Variants in SRGAP3 observed in about 807,000 individuals in gnomAD.
SRGAP3 encodes the protein SLIT-ROBO Rho GTPase-activating protein 3.
Under a neutral mutation model 121.1 loss-of-function variants are expected in SRGAP3, and 39 were observed. That is an observed-to-expected ratio of 0.32 (90% CI 0.25 to 0.42). SRGAP3 has a LOEUF of 0.42. Among genes scored for constraint, SRGAP3 ranks in the 10% least tolerant of loss-of-function variants. The pLI is 1.00. For missense variants in SRGAP3, 1,213 were observed against 1,470.6 expected, an observed-to-expected ratio of 0.82 and a Z score of 2.86; for synonymous variants, 601 against 570.0, an observed-to-expected ratio of 1.05 and a Z score of -0.77.
intron 3 of SRGAP3, among the ~76,000 whole-genome samples, chr3:9,316,189 C>T (rs1212736238): frequency 6.6e-6 from 1 of 152,020 alleles, no homozygotes; most frequent in Non-Finnish European, 1.5e-5. Flanking sequence ...GCTGGGATAA[C>T]AGGCACACAC....
chr3:9,051,371 T>C (rs1388068767), intron 9 of SRGAP3, among the ~76,000 whole-genome samples: 1 of 152,212 alleles, frequency 6.6e-6, no homozygotes, highest in Non-Finnish European at 1.5e-5. Context: ...CATTAGTCTT[T>C]AAATTGATTA....
intron 3 of SRGAP3, among the ~76,000 whole-genome samples, chr3:9,301,119 C>G (rs985998851): frequency 6.6e-6 from 1 of 152,142 alleles, no homozygotes; most frequent in African/African-American, 2.4e-5. Flanking sequence ...GGTGAAGTTT[C>G]GTTTTTTAAC....
chr3:9,286,599 C>CGTT (rs973875982), intron 3 of SRGAP3, among the ~76,000 whole-genome samples: 3 of 151,892 alleles, frequency 2.0e-5, no homozygotes, highest in Admixed American at 6.5e-5. Flanking sequence ...TTGTTTTTGT[C>CGTT]GTTGTTGTTG....
intron 1 of SRGAP3, among the ~76,000 whole-genome samples, chr3:9,207,281 T>C (rs1026704786): frequency 6.6e-6 from 1 of 152,198 alleles, no homozygotes; most frequent in Admixed American, 6.5e-5. Flanking sequence ...TATAACCCCA[T>C]GGTTTCTACT....
At chr3:9,259,184 A>G (rs1431718408) in intron 3 of SRGAP3, among the ~76,000 whole-genome samples, 2 of 149,786 alleles carry the variant, frequency 1.3e-5, no homozygotes, top group Non-Finnish European at 3.0e-5. Context: ...ACCCTAACCA[A>G]ACGACTACTC....
chr3:9,057,218 G>A (rs114198252), intron 7 of SRGAP3, among the ~76,000 whole-genome samples: 8 of 152,078 alleles, frequency 5.3e-5, no homozygotes, highest in East Asian at 1.9e-4. Flanking sequence ...GTGAGCCACC[G>A]CCTTCCACCT....
intron 3 of SRGAP3, among the ~76,000 whole-genome samples, chr3:9,264,982 G>A: frequency 6.6e-6 from 1 of 152,104 alleles, no homozygotes; most frequent in Non-Finnish European, 1.5e-5. Flanking sequence ...TATACTACAA[G>A]GCTACAGTAA....
At chr3:9,172,041 C>G (rs1319261135) in intron 1 of SRGAP3, among the ~76,000 whole-genome samples, 2 of 151,790 alleles carry the variant, frequency 1.3e-5, no homozygotes, top group African/African-American at 4.8e-5. Flanking sequence ...CCCAATTCTC[C>G]CTTTTTATTA....
At chr3:9,277,678 G>A (rs1184307219) in intron 3 of SRGAP3, among the ~76,000 whole-genome samples, 1 of 151,742 alleles carries the variant, frequency 6.6e-6, no homozygotes, top group Non-Finnish European at 1.5e-5. Flanking sequence ...TACTTGAAAG[G>A]CCAAGGCAGG....
At chr3:9,360,607 G>A (rs2030745731) in intron 1 of SRGAP3, among the ~76,000 whole-genome samples, 2 of 152,194 alleles carry the variant, frequency 1.3e-5, no homozygotes, top group Non-Finnish European at 2.9e-5. Flanking sequence ...ATGTGGCTAC[G>A]GAGGCCTCAC....
chr3:9,071,640 GTGGATGGATGGATGGATGGATGGA>G (rs3067636), intron 4 of SRGAP3, among the ~76,000 whole-genome samples: 3 of 144,822 alleles, frequency 2.1e-5, no homozygotes, highest in Admixed American at 1.4e-4. Context: ...ATTCTCAAAG[GTGGATGGATGGATGGATGGATGGA>G]TGGATGGATG....
chr3:9,085,856 G>A (rs1947444414), intron 3 of SRGAP3, among the ~76,000 whole-genome samples: 1 of 152,030 alleles, frequency 6.6e-6, no homozygotes, highest in African/African-American at 2.4e-5. Context: ...TATAACTAAT[G>A]GATACAAGGC....
chr3:9,238,040 T>C (rs1019472009), intron 1 of SRGAP3, among the ~76,000 whole-genome samples: 1 of 152,214 alleles, frequency 6.6e-6, no homozygotes, highest in Non-Finnish European at 1.5e-5. Context: ...GGGATGCTAC[T>C]GGCATCTAGT....
At chr3:9,091,596 A>G (rs1225912083) in intron 3 of SRGAP3, among the ~76,000 whole-genome samples, 6 of 152,286 alleles carry the variant, frequency 3.9e-5, no homozygotes, top group Admixed American at 3.3e-4. Context: ...CTTAAAAGGC[A>G]TGTCTCAGAG....
In SRGAP3 at chr3:8,985,322, G is replaced by C; in HGVS notation, c.*197C>G. 1 of 1,221,398 alleles carries C rather than the reference G, an allele frequency of 8.2e-7. No individual in the cohort carries two copies. The highest frequency in any genetic ancestry group is 1.1e-6 in the Non-Finnish European group (1 of 918,428). 75.7% of individuals were successfully genotyped at this position (1,221,398 alleles called of 1,614,324 possible). A position where few individuals can be genotyped will look rare whatever the true frequency, so the allele number is the denominator to read the frequency against. ...CTCCTCTGGTCGTCTGTTGACACGCGAGAGGTCCGTGGGATTCCCATGGCT... is the reference window on the plus strand; with the variant it reads ...CTCCTCTGGTCGTCTGTTGACACGCCAGAGGTCCGTGGGATTCCCATGGCT... On this transcript the variant is annotated 3_prime_UTR_variant, in exon 22 of 22. Transcript: ENST00000383836. The surrounding 1 kb of genome is among the most constrained non-coding windows in gnomAD (Gnocchi z 5.1).
At position 9,150,029 on chromosome 3, in the gene SRGAP3, G is replaced by C. The variant is rs563767200; in HGVS notation, c.68-25112C>G. Among the ~76,000 whole-genome samples the C allele has an allele frequency of 2.0e-5, 3 of 152,246 alleles. No individual in the cohort carries two copies. In the South Asian group the frequency reaches 6.2e-4, roughly 32 times the overall value. On this transcript the variant is annotated intron_variant, in intron 1 of 21. Transcript: ENST00000383836. The stretch of plus-strand genomic sequence containing the variant: ...ACACACCTGCCCCTTTCTTCATGGA[G>C]TAAACAGACCACGAAGGAGGACTGA...
chr3:9,275,394 C>T (rs1264730939), intron 3 of SRGAP3, among the ~76,000 whole-genome samples: 2 of 152,058 alleles, frequency 1.3e-5, no homozygotes, highest in Non-Finnish European at 2.9e-5. Flanking sequence ...TAATGGAGTA[C>T]AACCATCTAT....
At chr3:9,047,601 G>A (rs766195891) in intron 9 of SRGAP3, 126 bp from the exon 10 acceptor site, 12 of 879,438 alleles carry the variant, frequency 1.4e-5, no homozygotes, top group Middle Eastern at 2.2e-4. Context: ...GGACCCCGGC[G>A]CAGGGAACAG....
At chr3:9,212,657 G>A (rs918623275) in intron 1 of SRGAP3, among the ~76,000 whole-genome samples, 1 of 152,222 alleles carries the variant, frequency 6.6e-6, no homozygotes, top group African/African-American at 2.4e-5. Flanking sequence ...AGAGGTTGCA[G>A]TGAGCCAAGA....
Sources: gnomAD v4.1 joint callset for allele counts (sites outside exome capture counted in the v4.1 genomes callset) on GRCh38, gnomAD v4.1.1 for gene constraint, Gnocchi (gnomAD v3.1) non-coding constraint, MANE v1.5 for transcripts, NCBI Gene and HGNC (gene_info 2026-07-23, HGNC 2026-07-21) for gene names.